PLAGL1: variants seen among roughly 807,000 people sequenced by gnomAD.
PLAGL1 encodes the protein zinc finger protein PLAGL1.
Under a neutral mutation model 4.6 loss-of-function variants are expected in PLAGL1, and 1 was observed. The ratio of observed to expected loss-of-function variants is 0.22; its 90% CI spans 0.08 to 1.03. The LOEUF (loss-of-function observed/expected upper bound fraction) is 1.03. PLAGL1 is among the 50% of genes least tolerant of loss of function. The pLI, the probability that PLAGL1 is intolerant of heterozygous loss-of-function variation, is 0.58. For synonymous variants in PLAGL1, 240 were observed against 237.8 expected, an observed-to-expected ratio of 1.01 and a Z score of -0.08; for missense variants, 464 against 570.4, an observed-to-expected ratio of 0.81 and a Z score of 1.90.
Position 143,959,392 on chromosome 6 carries a change from A to G in PLAGL1, c.-325+1077T>C, listed in dbSNP as rs3819811. Among the ~76,000 whole-genome samples the G allele has an allele frequency of 0.65, 98,743 of 151,748 alleles. 32,221 individuals are homozygous for G. The highest frequency in any genetic ancestry group is 0.69 in the Non-Finnish European group (46,561 of 67,912). ...CACTCCTAGTCTTCTAATGTCAGGC[A>G]CACTGTAAACAGAAGATACAGGCAA... is the stretch of plus-strand genomic sequence containing the variant. On this transcript the variant is annotated intron_variant, in intron 6 of 7. Transcript: ENST00000674357. The surrounding 1 kb of genome is among the most constrained non-coding windows in gnomAD (Gnocchi z 5.3).
chr6:143,986,474 T>TTA (rs952500108), intron 1 of PLAGL1, among the ~76,000 whole-genome samples: 11 of 152,104 alleles, frequency 7.2e-5, no homozygotes, highest in African/African-American at 2.4e-4. Context: ...AGGCAGCAGT[T>TTA]TATACATAGT....
rs1480896084 is a variant in PLAGL1, at chr6:144,022,511, G to A, written c.-151+41957C>T. ...AAGCTAAACATAGTGATATGGTTTG[G>A]CTATTTCCCTACCCAAATCTCATCT... On this transcript the variant is annotated intron_variant, in intron 1 of 3. Transcript: ENST00000437412. This position sits in a 1 kb window ranked among gnomAD's most constrained non-coding sequence, Gnocchi z 4.2. Among the ~76,000 whole-genome samples the A allele has an allele frequency of 6.6e-6, 1 of 152,186 alleles. No homozygotes were observed. The highest frequency in any genetic ancestry group is 1.9e-4 in the East Asian group (1 of 5,190).
rs1390652301 is a variant in PLAGL1, at chr6:143,986,035, T to C, written c.-583-861A>G. Reference sequence around the variant, plus strand: ...ATCATTTAATCCTTTTACCAAACCTTTGATGTATGCACATTGACCCTGTTT... The same window carrying C: ...ATCATTTAATCCTTTTACCAAACCTCTGATGTATGCACATTGACCCTGTTT... On this transcript the variant is annotated intron_variant, in intron 1 of 7. Coordinates refer to ENST00000674357, the MANE Select transcript of PLAGL1 (RefSeq NM_001317162.2). 2.1e-5 allele frequency among the ~76,000 whole-genome samples: 3 copies of C among 142,524 alleles called. No homozygotes were observed. The Admixed American group carries it at 2.1e-4, about 10-fold the overall frequency. The allele number at this position is 142,524 out of a possible 152,430, so 93.5% of individuals were successfully genotyped here.
chr6:144,028,290 A>T (rs1796523007), intron 1 of PLAGL1, among the ~76,000 whole-genome samples: 1 of 152,214 alleles, frequency 6.6e-6, no homozygotes, highest in Admixed American at 6.5e-5. Context: ...AGTTCTCTGT[A>T]GTCTCCTATG....
chr6:143,993,331 A>AACACACACACACACACACAC (rs746624620), intron 1 of PLAGL1, among the ~76,000 whole-genome samples: 3 of 142,234 alleles, frequency 2.1e-5, no homozygotes, highest in Non-Finnish European at 4.6e-5. Flanking sequence ...AACAAAACAA[A>AACACACACACACACACACAC]ACACACACAC....
chr6:143,978,571 C>T lies in PLAGL1; in HGVS notation c.-544+6564G>A, dbSNP rs2092895. 0.74 allele frequency among the ~76,000 whole-genome samples: 112,321 copies of T among 152,004 alleles called. 42,022 individuals carry two copies. The highest frequency in any genetic ancestry group is 0.87 in the East Asian group (4,540 of 5,190). ...TCTTTTAAATTTGTTAAGATGTTTT[C>T]AATGTCTCAGGATGTGCCCCTGGGT... On this transcript the variant is annotated intron_variant, in intron 2 of 7. Coordinates refer to ENST00000674357, the MANE Select transcript of PLAGL1 (RefSeq NM_001317162.2). This position sits in a 1 kb window ranked among gnomAD's most constrained non-coding sequence, Gnocchi z 4.6.
chr6:143,941,403 A>AAAAT lies in PLAGL1; in HGVS notation c.*17_*20dup, dbSNP rs769843457. 2 of 1,488,314 alleles carry AAAAT rather than the reference A, an allele frequency of 1.3e-6. No individual in the cohort carries two copies. Among genetic ancestry groups the AAAAT allele is most frequent in the East Asian group, 2.3e-5 (1 of 43,212 alleles). 92.2% of individuals were successfully genotyped at this position (1,488,314 alleles called of 1,614,324 possible). A position where few individuals can be genotyped will look rare whatever the true frequency, so the allele number is the denominator to read the frequency against. On this transcript the variant is annotated 3_prime_UTR_variant, in exon 8 of 8. Coordinates refer to ENST00000674357, the MANE Select transcript of PLAGL1 (RefSeq NM_001317162.2). This position sits in a 1 kb window ranked among gnomAD's most constrained non-coding sequence, Gnocchi z 6.0. Reference sequence around the variant, plus strand: ...TCTTAAAACATCTTCCAGAATACGAAAAATACACTTTAAAAATCAATTATC... The same window carrying AAAAT: ...TCTTAAAACATCTTCCAGAATACGAAAAATAAATACACTTTAAAAATCAATTATC...
rs751593481 is a variant in PLAGL1 at position 143,941,773 on chromosome 6, C to T, written c.1043G>A (p.Gly348Asp). ...AGCATTTCCCTTAGCCAGATCAAAA[C>T]CTGGGTTGAGCTTTTGAGGTGACTG... The part of the protein sequence containing the change: ...EPQSPQKLNP[G>D]FDLAKGNAGK... Residue 348 changes from glycine (G) to aspartate (D), a missense_variant, in exon 8 of 8, where the codon GGT becomes GAT. Around this residue, in one of 4 missense-constraint regions of PLAGL1, gnomAD observed 248 missense variants for 250.1 expected, o/e 0.99. Transcript: ENST00000674357. The surrounding 1 kb of genome is among the most constrained non-coding windows in gnomAD (Gnocchi z 6.0). 6.2e-7 allele frequency: 1 copy of T among 1,614,234 alleles called. No homozygotes were observed. Among genetic ancestry groups the T allele is most frequent in the Non-Finnish European group, 8.5e-7 (1 of 1,180,044 alleles).
chr6:144,033,486 T>C (rs1796986438), intron 1 of PLAGL1, among the ~76,000 whole-genome samples: 1 of 152,170 alleles, frequency 6.6e-6, no homozygotes, highest in Non-Finnish European at 1.5e-5. Context: ...AAAACCTAGA[T>C]TGTCTTCAGC....
In PLAGL1 at chr6:144,048,611, C is replaced by T. The variant is rs953070755; in HGVS notation, c.-151+15857G>A. 1.3e-5 allele frequency among the ~76,000 whole-genome samples: 2 copies of T among 152,192 alleles called. No individual in the cohort carries two copies. Among genetic ancestry groups the T allele is most frequent in the African/African-American group, 2.4e-5 (1 of 41,466 alleles). ...TGAGCTGTATGTTGGCCCCTTTTAGCTATGGCTGGGACACAGGGTGCCAAG... is the reference window on the plus strand; with the variant it reads ...TGAGCTGTATGTTGGCCCCTTTTAGTTATGGCTGGGACACAGGGTGCCAAG... On this transcript the variant is annotated intron_variant, in intron 1 of 3. Transcript: ENST00000437412. This position sits in a 1 kb window ranked among gnomAD's most constrained non-coding sequence, Gnocchi z 4.8.
At position 144,006,156 on chromosome 6, in the gene PLAGL1, T is replaced by G. The variant is rs193277274; in HGVS notation, c.-584+1934A>C. The G allele has an allele frequency of 1.5e-3, 223 of 152,284 alleles. 2 individuals carry two copies. Among genetic ancestry groups the G allele is most frequent in the African/African-American group, 5.0e-3 (206 of 41,582 alleles). 9.4% of individuals were successfully genotyped at this position (152,284 alleles called of 1,614,324 possible). A position where few individuals can be genotyped will look rare whatever the true frequency, so the allele number is the denominator to read the frequency against. On this transcript the variant is annotated intron_variant, in intron 1 of 7. Transcript: ENST00000674357. This position sits in a 1 kb window ranked among gnomAD's most constrained non-coding sequence, Gnocchi z 4.3. ...ACTGGTATGTCCACCATGGAATTTA[T>G]GAAATAAAACATTACTGATAAATTC...
At chr6:144,017,714 T>C (rs1011912874) in intron 1 of PLAGL1, among the ~76,000 whole-genome samples, 7 of 152,154 alleles carry the variant, frequency 4.6e-5, no homozygotes, top group Admixed American at 1.3e-4. Context: ...GAAAACCTCC[T>C]CTCCATTTAA....
intron 1 of PLAGL1, among the ~76,000 whole-genome samples, chr6:143,987,679 C>T (rs1049623945): frequency 1.3e-5 from 2 of 152,006 alleles, no homozygotes; most frequent in East Asian, 1.9e-4. Flanking sequence ...GCTGGGCCAG[C>T]GTGACAGACT....
chr6:144,029,445 ATAAG>A, intron 1 of PLAGL1, among the ~76,000 whole-genome samples: 1 of 152,378 alleles, frequency 6.6e-6, no homozygotes, highest in South Asian at 2.1e-4. Flanking sequence ...GCTTCTACAG[ATAAG>A]TAAGGAAAAG....
rs1482643189 is a variant in PLAGL1 at position 144,063,031 on chromosome 6, T to G, written c.-151+1437A>C. Among the ~76,000 whole-genome samples, 1 of 152,120 alleles carries G rather than the reference T, an allele frequency of 6.6e-6. No homozygotes were observed. On this transcript the variant is annotated intron_variant, in intron 1 of 3. Transcript: ENST00000437412. This position sits in a 1 kb window ranked among gnomAD's most constrained non-coding sequence, Gnocchi z 5.7. ...GCTCACTTTTCATCCTGCTGACAAT[T>G]TTCTGAGTTACAGTTTACACCAACG... is the stretch of plus-strand genomic sequence containing the variant.
chr6:144,025,852 C>A (rs1382958388), intron 1 of PLAGL1, among the ~76,000 whole-genome samples: 2 of 152,130 alleles, frequency 1.3e-5, no homozygotes, highest in Non-Finnish European at 2.9e-5. Flanking sequence ...GAGATCATAC[C>A]ATTGCACTCC....
rs1385230860 is a variant in PLAGL1 at position 144,004,326 on chromosome 6, C to CA, written c.-584+3763dup. ...CCTCTTGACTGGCTGGAATTATAGACAGGAGCCATGGAACACAGCCCAATA... is the reference window on the plus strand; with the variant it reads ...CCTCTTGACTGGCTGGAATTATAGACAAGGAGCCATGGAACACAGCCCAATA... On this transcript the variant is annotated intron_variant, in intron 1 of 7. Coordinates refer to ENST00000674357, the MANE Select transcript of PLAGL1 (RefSeq NM_001317162.2). The surrounding 1 kb of genome is among the most constrained non-coding windows in gnomAD (Gnocchi z 4.2). Among the ~76,000 whole-genome samples, 5 of 152,112 alleles carry CA rather than the reference C, an allele frequency of 3.3e-5. No individual in the cohort carries two copies. Among genetic ancestry groups the CA allele is most frequent in the African/African-American group, 1.2e-4 (5 of 41,414 alleles).
At chr6:144,045,220 G>A (rs1300519298) in intron 1 of PLAGL1, among the ~76,000 whole-genome samples, 2 of 152,114 alleles carry the variant, frequency 1.3e-5, no homozygotes, top group Admixed American at 1.3e-4. Context: ...ATTTGATCCT[G>A]TCATTATGAT....
upstream of PLAGL1, among the ~76,000 whole-genome samples, chr6:144,010,393 C>T (rs1013410183): frequency 6.6e-6 from 1 of 152,162 alleles, no homozygotes; most frequent in East Asian, 1.9e-4. The surrounding 1 kb of genome is among the most constrained non-coding windows in gnomAD (Gnocchi z 4.1). Flanking sequence ...ATACAACTTA[C>T]AAGAGATGTG....
Sources: allele counts gnomAD v4.1 joint callset (sites outside exome capture counted in the v4.1 genomes callset), GRCh38; gene constraint gnomAD v4.1.1; regional missense constraint gnomAD v4.1.1; non-coding constraint Gnocchi (gnomAD v3.1); transcripts MANE v1.5; gene names NCBI Gene and HGNC (gene_info 2026-07-23, HGNC 2026-07-21).